Variants in TRIM24 observed in about 807,000 individuals in gnomAD.
TRIM24 encodes tripartite motif containing 24.
A neutral mutation model predicts 123.9 loss-of-function variants in TRIM24; 29 were observed. The ratio of observed to expected loss-of-function variants is 0.23; its 90% confidence interval spans 0.17 to 0.32. The LOEUF (loss-of-function observed/expected upper bound fraction) is 0.32, where lower values mean the gene tolerates loss of function less well. TRIM24 is among the 10% of genes least tolerant of loss of function. The pLI is 1.00. For missense variants in TRIM24, 932 were observed against 1,295.3 expected (o/e 0.72, Z 4.31); for synonymous variants, 456 against 461.1 (o/e 0.99, Z 0.14).
intron 1 of TRIM24, among the ~76,000 whole-genome samples, chr7:138,486,237 C>T (rs1458273371): frequency 1.3e-5 from 2 of 152,066 alleles, no homozygotes; most frequent in East Asian, 3.9e-4. Flanking sequence ...TGGATATTAG[C>T]CCTTTGTCAG....
intron 5 of TRIM24, among the ~76,000 whole-genome samples, chr7:138,528,695 A>G (rs1796663067): frequency 6.6e-6 from 1 of 151,568 alleles, no homozygotes; most frequent in African/African-American, 2.4e-5. Context: ...AGTGTCACAT[A>G]TACACTTTTC....
chr7:138,541,003 A>T (rs1796992039), intron 7 of TRIM24, among the ~76,000 whole-genome samples: 2 of 152,036 alleles, frequency 1.3e-5, no homozygotes. Flanking sequence ...ATGTCCAGCT[A>T]ATTTTTCTAT....
At chr7:138,553,192 T>C (rs927787168) in intron 8 of TRIM24, among the ~76,000 whole-genome samples, 26 of 152,190 alleles carry the variant, frequency 1.7e-4, no homozygotes, top group African/African-American at 6.3e-4. Context: ...TAAATTCATA[T>C]ACAATGAGAT....
At chr7:138,519,390 C>A (rs751400683) in intron 4 of TRIM24, 69 bp downstream of exon 4, 2 of 1,505,752 alleles carry the variant, frequency 1.3e-6, no homozygotes, top group Middle Eastern at 2.5e-4. Context: ...CTGCTGCCAA[C>A]CCTCATCAAA....
intron 5 of TRIM24, among the ~76,000 whole-genome samples, chr7:138,526,593 G>A (rs916675168): frequency 6.6e-6 from 1 of 151,966 alleles, no homozygotes; most frequent in Non-Finnish European, 1.5e-5. Context: ...TGTATCTTTA[G>A]TAGAGATGGG....
intron 9 of TRIM24, among the ~76,000 whole-genome samples, chr7:138,558,564 G>A (rs1046850554): frequency 2.0e-5 from 3 of 152,182 alleles, no homozygotes; most frequent in African/African-American, 7.2e-5. Context: ...AGCCAGTTGG[G>A]CAAACAGGTT....
chr7:138,464,242 T>C (rs1795083539), intron 1 of TRIM24, among the ~76,000 whole-genome samples: 1 of 151,842 alleles, frequency 6.6e-6, no homozygotes, highest in Non-Finnish European at 1.5e-5. Flanking sequence ...GTGATCCGCC[T>C]GCCTTGGCCC....
At chr7:138,495,022 T>G (rs1363248319) in intron 1 of TRIM24, among the ~76,000 whole-genome samples, 10 of 152,160 alleles carry the variant, frequency 6.6e-5, no homozygotes, top group Admixed American at 6.6e-4. Context: ...GGATGTATTG[T>G]TAAGTGAAAA....
chr7:138,572,010 A>G (rs1294823026), intron 11 of TRIM24, among the ~76,000 whole-genome samples: 1 of 152,198 alleles, frequency 6.6e-6, no homozygotes, highest in Non-Finnish European at 1.5e-5. Flanking sequence ...ACCTAATGTT[A>G]AGAAGCTTTT....
chr7:138,583,099 T>C lies in TRIM24; in HGVS notation c.2794-751T>C, dbSNP rs544298784. 4.6e-5 allele frequency among the ~76,000 whole-genome samples: 7 copies of C among 152,342 alleles called. No homozygotes were observed. The South Asian group carries it at 1.0e-3, about 23-fold the overall frequency. On this transcript the variant is annotated intron_variant, in intron 17 of 18. Coordinates refer to ENST00000343526, the MANE Select transcript of TRIM24 (RefSeq NM_015905.3). The stretch of plus-strand genomic sequence containing the variant: ...GGCAGGATTATCCCTATTTGAAATA[T>C]GAAGAAACTGAGGTTAAGTAGCTTA...
intron 6 of TRIM24, among the ~76,000 whole-genome samples, chr7:138,533,789 G>T (rs781197871): frequency 2.0e-5 from 3 of 152,166 alleles, no homozygotes; most frequent in Non-Finnish European, 4.4e-5. Context: ...CAGAAGGAAT[G>T]GTACCAGCTC....
chr7:138,506,898 G>A (rs975570922), intron 2 of TRIM24, among the ~76,000 whole-genome samples: 1 of 152,144 alleles, frequency 6.6e-6, no homozygotes, highest in South Asian at 2.1e-4. Flanking sequence ...GAGGTAGTGG[G>A]AGCTGAATTA....
At chr7:138,584,069 T>TA in intron 18 of TRIM24, 70 bp downstream of exon 18, 1 of 1,514,816 alleles carries the variant, frequency 6.6e-7, no homozygotes. Flanking sequence ...CTAAACACCT[T>TA]GTCAACATAG....
At chr7:138,525,399 T>A in intron 5 of TRIM24, 42 bp downstream of exon 5, 1 of 1,147,784 alleles carries the variant, frequency 8.7e-7, no homozygotes. Flanking sequence ...TATAATTTGT[T>A]AAGTATATTC....
intron 2 of TRIM24, 45 bp downstream of exon 2, chr7:138,504,453 T>C: frequency 9.8e-7 from 1 of 1,017,488 alleles, no homozygotes; most frequent in Non-Finnish European, 1.4e-6. Flanking sequence ...AGCTCTTTTT[T>C]TTTTTTTTTT....
Position 138,460,607 on chromosome 7 carries a change from C to T in TRIM24, c.59C>T (p.Ser20Phe). Residue 20 changes from serine to phenylalanine, a missense_variant, in exon 1 of 19, where the codon TCC becomes TTC. Physicochemically the swap from Ser to Phe is radical, Grantham distance 155 (BLOSUM62 -2). Coordinates refer to ENST00000343526, the MANE Select transcript of TRIM24 (RefSeq NM_015905.3). ...GCGGCAGCGGCCTCGGCTGCGGCCT[C>T]CGGGGGGCCCTCGGCGGCGCCGAGC... ...AAAAAASAAA[S>F]GGPSAAPSGE... 1.5e-6 allele frequency: 2 copies of T among 1,360,992 alleles called. No individual in the cohort carries two copies. The highest frequency in any genetic ancestry group is 1.9e-5 in the South Asian group (1 of 52,070). 84.3% of individuals were successfully genotyped at this position (1,360,992 alleles called of 1,614,324 possible).
intron 1 of TRIM24, among the ~76,000 whole-genome samples, chr7:138,462,225 C>G (rs1795003719): frequency 2.0e-5 from 3 of 152,134 alleles, no homozygotes; most frequent in South Asian, 4.1e-4. Flanking sequence ...GATTAGGGTT[C>G]CCTAAGCTTA....
At chr7:138,570,808 T>C in intron 10 of TRIM24, 22 bp from the exon 11 acceptor site, 2 of 1,612,374 alleles carry the variant, frequency 1.2e-6, no homozygotes, top group Non-Finnish European at 1.7e-6. Flanking sequence ...TAGCCTTTGT[T>C]CTTCTCTTCT....
intron 4 of TRIM24, among the ~76,000 whole-genome samples, chr7:138,519,673 C>A (rs528013667): frequency 4.6e-5 from 7 of 152,286 alleles, no homozygotes; most frequent in African/African-American, 1.7e-4. Flanking sequence ...CACTGGCCAA[C>A]ACACTGTTTT....
Sources: gnomAD v4.1 joint callset for allele counts (sites outside exome capture counted in the v4.1 genomes callset) on GRCh38, gnomAD v4.1.1 for gene constraint, MANE v1.5 for transcripts, NCBI Gene and HGNC (gene_info 2026-07-23, HGNC 2026-07-21) for gene names.